Variants in NAV1 observed in about 807,000 individuals in gnomAD.
NAV1 encodes the protein pore membrane and/or filament interacting like protein 3.
A neutral mutation model predicts 175.2 loss-of-function variants in NAV1; 18 were observed. The ratio of observed to expected loss-of-function variants is 0.10; its 90% confidence interval spans 0.07 to 0.15. The LOEUF (loss-of-function observed/expected upper bound fraction) is 0.15, where lower values mean the gene tolerates loss of function less well. NAV1 is among the 10% of genes least tolerant of loss of function. The pLI is 1.00. For missense variants in NAV1, 1,731 were observed against 2,436.6 expected, an observed-to-expected ratio of 0.71 and a Z score of 6.10; for synonymous variants, 897 against 978.7, an observed-to-expected ratio of 0.92 and a Z score of 1.56.
intron 1 of NAV1, among the ~76,000 whole-genome samples, chr1:201,573,923 G>A (rs1666619530): frequency 6.6e-6 from 1 of 152,072 alleles, no homozygotes; most frequent in Non-Finnish European, 1.5e-5. Context: ...AGGCACGGTG[G>A]CACGTGCCTG....
At chr1:201,785,426 T>C in intron 8 of NAV1, 75 bp downstream of exon 12, 1 of 1,454,714 alleles carries the variant, frequency 6.9e-7, no homozygotes, top group South Asian at 1.2e-5. Flanking sequence ...TCTCAACCTG[T>C]CCAAGGCTCC....
At chr1:201,793,962 G>A in intron 14 of NAV1, 87 bp downstream of exon 18, 5 of 1,124,928 alleles carry the variant, frequency 4.4e-6, no homozygotes, top group Middle Eastern at 2.3e-4. Flanking sequence ...ATCTGTTCTT[G>A]CTCATGAATG....
chr1:201,590,721 T>A lies in NAV1; in HGVS notation c.-33+2072T>A, dbSNP rs1282336271. 3.9e-5 allele frequency among the ~76,000 whole-genome samples: 6 copies of A among 152,346 alleles called. No homozygotes were observed. In the South Asian group the frequency reaches 1.0e-3, roughly 26 times the overall value. ...GCATCTAGGCCAGGAGCCAGTGGGC[T>A]GGCTTAGCCGAGTCGGCCAGGCCTC... is the stretch of plus-strand genomic sequence containing the variant. On this transcript the variant is annotated intron_variant, in intron 2 of 33. Coordinates refer to the NAV1 transcript ENST00000685211.
chr1:201,561,685 C>G (rs1479526033), intron 1 of NAV1, among the ~76,000 whole-genome samples: 1 of 152,202 alleles, frequency 6.6e-6, no homozygotes, highest in Non-Finnish European at 1.5e-5. Context: ...AGTAGGCTTC[C>G]TGGGGGCAGG....
At chr1:201,749,959 C>A (rs937409650) in intron 3 of NAV1, among the ~76,000 whole-genome samples, 11 of 152,168 alleles carry the variant, frequency 7.2e-5, no homozygotes, top group Admixed American at 5.9e-4. Context: ...ATATGTAGGA[C>A]TTGAAAGGTT....
chr1:201,658,371 A>C (rs1260303973), intron 1 of NAV1, among the ~76,000 whole-genome samples: 2 of 152,156 alleles, frequency 1.3e-5, no homozygotes, highest in Non-Finnish European at 1.5e-5. Flanking sequence ...GCATCAGTGC[A>C]TAGGGTGTGT....
chr1:201,625,496 A>C (rs911047168), intron 1 of NAV1, among the ~76,000 whole-genome samples: 6 of 152,238 alleles, frequency 3.9e-5, no homozygotes, highest in African/African-American at 1.4e-4. Flanking sequence ...CTGGCTCTCA[A>C]AGCATATCTT....
intron 1 of NAV1, among the ~76,000 whole-genome samples, chr1:201,674,802 C>T (rs1670180265): frequency 6.6e-6 from 1 of 152,010 alleles, no homozygotes; most frequent in Non-Finnish European, 1.5e-5. Context: ...TCTGGGAGGC[C>T]GAGGTGGGCA....
At chr1:201,686,356 C>G (rs111437461) in intron 1 of NAV1, among the ~76,000 whole-genome samples, 1 of 152,076 alleles carries the variant, frequency 6.6e-6, no homozygotes, top group Admixed American at 6.6e-5. Context: ...TCTCTCACAC[C>G]TTCCCCAGGT....
intron 1 of NAV1, among the ~76,000 whole-genome samples, chr1:201,651,754 G>T (rs1414950882): frequency 6.6e-6 from 1 of 152,128 alleles, no homozygotes; most frequent in African/African-American, 2.4e-5. Flanking sequence ...CACCAGAACT[G>T]CCTCGATGAC....
intron 1 of NAV1, among the ~76,000 whole-genome samples, chr1:201,669,654 G>A (rs1262413329): frequency 1.3e-5 from 2 of 152,252 alleles, no homozygotes; most frequent in Non-Finnish European, 2.9e-5. Context: ...GAGTAAGTGA[G>A]AGAGGCAAGA....
chr1:201,606,452 G>GC (rs1442967401), intron 2 of NAV1, among the ~76,000 whole-genome samples: 1 of 152,140 alleles, frequency 6.6e-6, no homozygotes, highest in Non-Finnish European at 1.5e-5. Context: ...GAACTGTGAG[G>GC]CTGTCCTAAG....
chr1:201,780,820 C>A (rs570578595), intron 4 of NAV1, among the ~76,000 whole-genome samples, 192 bp from the exon 9 acceptor site: 36 of 151,416 alleles, frequency 2.4e-4, no homozygotes, highest in African/African-American at 8.3e-4. Context: ...GCTATTCCAA[C>A]TGGAGAAAAA....
At chr1:201,656,965 T>C (rs1392248799) in intron 1 of NAV1, among the ~76,000 whole-genome samples, 1 of 152,166 alleles carries the variant, frequency 6.6e-6, no homozygotes, top group Non-Finnish European at 1.5e-5. Context: ...CCCCTCCCTT[T>C]TGGGGAAGCT....
At chr1:201,571,557 G>A (rs1391652093) in intron 1 of NAV1, among the ~76,000 whole-genome samples, 1 of 152,188 alleles carries the variant, frequency 6.6e-6, no homozygotes, top group African/African-American at 2.4e-5. Context: ...CAGACAAAGG[G>A]GACCACAGAG....
At chr1:201,633,918 A>G (rs1668544769) in intron 2 of NAV1, among the ~76,000 whole-genome samples, 1 of 152,202 alleles carries the variant, frequency 6.6e-6, no homozygotes, top group Non-Finnish European at 1.5e-5. Flanking sequence ...CAAAGCAGCA[A>G]TCTAGGACCT....
At chr1:201,640,474 G>A (rs539533619) in intron 2 of NAV1, among the ~76,000 whole-genome samples, 4 of 152,316 alleles carry the variant, frequency 2.6e-5, no homozygotes, top group South Asian at 2.1e-4. Flanking sequence ...TTACTGCCTG[G>A]GCTGTGAGGA....
At chr1:201,708,837 A>G (rs1167439266) in intron 1 of NAV1, among the ~76,000 whole-genome samples, 1 of 152,150 alleles carries the variant, frequency 6.6e-6, no homozygotes, top group East Asian at 1.9e-4. Context: ...CCTCCAGGGC[A>G]TCTCAACTTA....
exon 30 of NAV1, chr1:201,822,899 T>C (rs1487354373): frequency 6.6e-6 from 1 of 152,640 alleles, no homozygotes; most frequent in Non-Finnish European, 1.5e-5. Flanking sequence ...GGGACACTCA[T>C]CCAGACTTCT....
Sources: allele counts gnomAD v4.1 joint callset (sites outside exome capture counted in the v4.1 genomes callset), GRCh38; gene constraint gnomAD v4.1.1; transcripts MANE v1.5; gene names NCBI Gene and HGNC (gene_info 2026-07-23, HGNC 2026-07-21).